Variants in CPPED1 observed in about 807,000 individuals in gnomAD.
The protein encoded by CPPED1 is serine/threonine-protein phosphatase CPPED1.
Under a neutral mutation model 28.0 loss-of-function variants are expected in CPPED1, and 28 were observed. That is an observed-to-expected ratio of 1.00 (90% CI 0.74 to 1.37). The LOEUF (loss-of-function observed/expected upper bound fraction) is 1.37, where lower values mean the gene tolerates loss of function less well. Among genes scored for constraint, CPPED1 ranks in the 40% most tolerant of loss-of-function variants. CPPED1 has a pLI of 0.00. For missense variants in CPPED1, 504 were observed against 416.5 expected (o/e 1.21, Z -1.83); for synonymous variants, 198 against 180.2 (o/e 1.10, Z -0.79).
At chr16:12,688,561 A>G (rs1046687508) in intron 3 of CPPED1, among the ~76,000 whole-genome samples, 1 of 151,874 alleles carries the variant, frequency 6.6e-6, no homozygotes, top group African/African-American at 2.4e-5. Flanking sequence ...CTGGTCTCGA[A>G]CTCCGACCTC....
intron 2 of CPPED1, among the ~76,000 whole-genome samples, chr16:12,780,732 TAAAA>T (rs11321645): frequency 7.1e-6 from 1 of 140,344 alleles, no homozygotes. Flanking sequence ...ACACATACCT[TAAAA>T]AAAAAAAAAA....
At chr16:12,800,014 T>A (rs1270048758) in intron 1 of CPPED1, among the ~76,000 whole-genome samples, 1 of 152,174 alleles carries the variant, frequency 6.6e-6, no homozygotes, top group Non-Finnish European at 1.5e-5. Flanking sequence ...TGCTCTCTGA[T>A]CCTCTGGTCC....
In CPPED1 at chr16:12,685,058, C is replaced by T. The variant is rs776405556; in HGVS notation, c.715+19566G>A. 2.0e-5 allele frequency among the ~76,000 whole-genome samples: 3 copies of T among 152,180 alleles called. No individual in the cohort carries two copies. In the East Asian group the frequency reaches 5.8e-4, roughly 29 times the overall value. ...AGGGTGGAAACTGGAGACAGTGGAA[C>T]GAGCACCGACTCTGGATCCTGTCTG... On this transcript the variant is annotated intron_variant, in intron 3 of 3. Transcript: ENST00000381774.
At position 12,788,700 on chromosome 16, in the gene CPPED1, T is replaced by C. The variant is rs372277870; in HGVS notation, c.71-7297A>G. Among the ~76,000 whole-genome samples, 14 of 152,002 alleles carry C rather than the reference T, an allele frequency of 9.2e-5. No individual in the cohort carries two copies. The South Asian group carries it at 2.9e-3, about 32-fold the overall frequency. ...TGCTGCTGGGCTGGATGGCCTGGAG[T>C]GGTGAGAGCCATGATGAAGACAGAA... On this transcript the variant is annotated intron_variant, in intron 1 of 3. Transcript: ENST00000381774.
At chr16:12,681,906 C>T (rs1322616960) in intron 3 of CPPED1, among the ~76,000 whole-genome samples, 3 of 152,154 alleles carry the variant, frequency 2.0e-5, no homozygotes, top group Admixed American at 2.0e-4. Flanking sequence ...AATAATTACT[C>T]TCCAGGGGCT....
intron 2 of CPPED1, among the ~76,000 whole-genome samples, chr16:12,707,689 T>G (rs1473865851): frequency 1.3e-5 from 2 of 152,154 alleles, no homozygotes; most frequent in African/African-American, 4.8e-5. Context: ...AAGGAAACCT[T>G]GTCTAGGAAG....
intron 2 of CPPED1, among the ~76,000 whole-genome samples, chr16:12,733,097 C>G (rs2080207758): frequency 6.6e-6 from 1 of 152,112 alleles, no homozygotes; most frequent in South Asian, 2.1e-4. Flanking sequence ...GAAGAAGAGT[C>G]TGAGGTTGAA....
intron 3 of CPPED1, among the ~76,000 whole-genome samples, chr16:12,698,560 T>A (rs2080004351): frequency 6.6e-6 from 1 of 152,136 alleles, no homozygotes; most frequent in East Asian, 1.9e-4. Flanking sequence ...GCCTCCCAAG[T>A]AGCTGGGACT....
chr16:12,690,284 G>C (rs28533458), intron 3 of CPPED1, among the ~76,000 whole-genome samples: 13,229 of 152,158 alleles, frequency 0.087, 760 homozygotes, highest in South Asian at 0.16. Flanking sequence ...GGCCAAGGCA[G>C]GCAGACTGCT....
At chr16:12,763,093 G>A (rs1459316167) in intron 2 of CPPED1, among the ~76,000 whole-genome samples, 3 of 151,912 alleles carry the variant, frequency 2.0e-5, no homozygotes, top group African/African-American at 7.2e-5. Flanking sequence ...TTAGCCGGGT[G>A]TGGTGGTGGA....
At chr16:12,678,457 G>A (rs2079889112) in intron 3 of CPPED1, among the ~76,000 whole-genome samples, 2 of 152,170 alleles carry the variant, frequency 1.3e-5, no homozygotes, top group Admixed American at 6.5e-5. Flanking sequence ...CTATAATTTT[G>A]ATTGGGATTT....
intron 2 of CPPED1, among the ~76,000 whole-genome samples, chr16:12,749,325 G>C (rs28816685): frequency 0.044 from 6,639 of 152,240 alleles, 276 homozygotes; most frequent in African/African-American, 0.11. Flanking sequence ...ACCAAGAGTA[G>C]ATTCCATCCC....
At chr16:12,736,088 T>C (rs1308584165) in intron 2 of CPPED1, among the ~76,000 whole-genome samples, 1 of 152,098 alleles carries the variant, frequency 6.6e-6, no homozygotes, top group Non-Finnish European at 1.5e-5. Flanking sequence ...CTGTTCTGAC[T>C]TTGTAAGGGT....
intron 2 of CPPED1, among the ~76,000 whole-genome samples, chr16:12,770,705 C>T (rs1231652843): frequency 6.6e-6 from 1 of 151,994 alleles, no homozygotes; most frequent in Non-Finnish European, 1.5e-5. Context: ...ACCTGTAGTC[C>T]CAGCTACTCG....
chr16:12,754,739 C>T (rs757040416), intron 2 of CPPED1, among the ~76,000 whole-genome samples: 34 of 152,212 alleles, frequency 2.2e-4, no homozygotes, highest in Non-Finnish European at 4.4e-4. Flanking sequence ...TGGCTCACAC[C>T]TGTAATCCCA....
intron 2 of CPPED1, among the ~76,000 whole-genome samples, chr16:12,736,843 G>A (rs776880090): frequency 6.6e-6 from 1 of 152,150 alleles, no homozygotes; most frequent in Non-Finnish European, 1.5e-5. Context: ...AAGTGTTACG[G>A]AGGGAAACCA....
intron 2 of CPPED1, among the ~76,000 whole-genome samples, chr16:12,779,003 T>G (rs1318894552): frequency 6.6e-6 from 1 of 152,242 alleles, no homozygotes; most frequent in Non-Finnish European, 1.5e-5. Context: ...TAGTGTTTAA[T>G]GTATATTCAG....
intron 2 of CPPED1, among the ~76,000 whole-genome samples, chr16:12,768,301 C>T (rs1309479655): frequency 1.3e-5 from 2 of 152,286 alleles, no homozygotes. Flanking sequence ...ATAAATAAGG[C>T]GAGGCTCTCT....
In CPPED1 at chr16:12,781,383, C is replaced by T. The variant is rs200680134; in HGVS notation, c.91G>A (p.Gly31Ser). 327 of 1,613,802 alleles carry T rather than the reference C, an allele frequency of 2.0e-4. No individual in the cohort carries two copies. In the Middle Eastern group the frequency reaches 2.5e-3, roughly 12 times the overall value. ...GCGCCCAGGATGAAGTAGAATGGGCCTTTCCATTCGCTTTCCTTTTCTTAA... is the reference window on the plus strand; with the variant it reads ...GCGCCCAGGATGAAGTAGAATGGGCTTTTCCATTCGCTTTCCTTTTCTTAA... ...FPAEKESEWK[G>S]PFYFILGADP... Residue 31 changes from glycine (G) to serine (S), a missense_variant, in exon 2 of 4, where the codon GGC (glycine) becomes AGC (serine). By Grantham distance (56) the Gly-to-Ser change is moderately conservative. Coordinates refer to ENST00000381774, the MANE Select transcript of CPPED1 (RefSeq NM_018340.3).
Sources: allele counts gnomAD v4.1 joint callset (sites outside exome capture counted in the v4.1 genomes callset), GRCh38; gene constraint gnomAD v4.1.1; transcripts MANE v1.5; gene names NCBI Gene and HGNC (gene_info 2026-07-23, HGNC 2026-07-21).